Variants in LARGE1 observed in about 807,000 individuals in gnomAD.
The protein encoded by LARGE1 is LARGE xylosyl- and glucuronyltransferase 1, also known as xylosyl- and glucuronyltransferase LARGE1.
Under a neutral mutation model 87.6 loss-of-function variants are expected in LARGE1, and 43 were observed. That is an observed-to-expected ratio of 0.49 (90% CI 0.38 to 0.63). The LOEUF is 0.63. LARGE1 is among the 30% of genes least tolerant of loss of function. LARGE1 has a pLI of 0.00. For synonymous variants in LARGE1, 434 were observed against 394.6 expected, an observed-to-expected ratio of 1.10 and a Z score of -1.18; for missense variants, 802 against 1,000.2, an observed-to-expected ratio of 0.80 and a Z score of 2.67.
At chr22:33,870,412 A>G (rs1227424414) in intron 1 of LARGE1, among the ~76,000 whole-genome samples, 1 of 152,258 alleles carries the variant, frequency 6.6e-6, no homozygotes, top group African/African-American at 2.4e-5. Flanking sequence ...GTACTGACAC[A>G]GTTGGGTTTT....
chr22:33,281,497 G>A (rs1462394615), intron 13 of LARGE1, among the ~76,000 whole-genome samples: 1 of 152,148 alleles, frequency 6.6e-6, no homozygotes, highest in Non-Finnish European at 1.5e-5. Flanking sequence ...TTTACTGGCT[G>A]TGTGTCATTG....
chr22:33,852,816 G>A lies in LARGE1; in HGVS notation c.-83+67179C>T, dbSNP rs549709528. Among the ~76,000 whole-genome samples the A allele has an allele frequency of 1.7e-4, 23 of 134,804 alleles. 1 individual carries two copies. Among genetic ancestry groups the A allele is most frequent in the African/African-American group, 4.4e-4 (16 of 36,214 alleles). The allele number at this position is 134,804 out of a possible 152,430, so 88.4% of individuals were successfully genotyped here. On this transcript the variant is annotated intron_variant, in intron 1 of 14. Coordinates refer to ENST00000397394, the MANE Select transcript of LARGE1 (RefSeq NM_133642.5). ...GGTTACAGTGAGTGGAGATTGGGCC[G>A]CTGCACTCCAGCGTGGGCAAGACAG...
chr22:33,896,316 G>T lies in LARGE1; in HGVS notation c.-83+23679C>A, dbSNP rs566560044. ...ATTCCATGTATGTCTACACCACATG[G>T]TGTTTAGCCTTTCCACTGATGAACA... On this transcript the variant is annotated intron_variant, in intron 1 of 14. Coordinates refer to ENST00000397394, the MANE Select transcript of LARGE1 (RefSeq NM_133642.5). 5.9e-5 allele frequency among the ~76,000 whole-genome samples: 9 copies of T among 152,308 alleles called. No homozygotes were observed. The South Asian group carries it at 1.9e-3, about 32-fold the overall frequency.
intron 2 of LARGE1, among the ~76,000 whole-genome samples, chr22:33,686,370 G>A (rs890972828): frequency 2.0e-5 from 3 of 151,742 alleles, no homozygotes; most frequent in Admixed American, 1.3e-4. Flanking sequence ...GTGAAACCCT[G>A]TCTCTACTAA....
At chr22:33,330,244 G>T (rs1937579323) in intron 10 of LARGE1, among the ~76,000 whole-genome samples, 1 of 152,146 alleles carries the variant, frequency 6.6e-6, no homozygotes, top group Non-Finnish European at 1.5e-5. Context: ...AGAAAAAACG[G>T]TAGAGAATAG....
chr22:33,311,612 C>G (rs1935599334), intron 11 of LARGE1, among the ~76,000 whole-genome samples: 1 of 152,164 alleles, frequency 6.6e-6, no homozygotes, highest in Non-Finnish European at 1.5e-5. Flanking sequence ...AAGTGAGGCT[C>G]AAAAAGGCTA....
chr22:33,717,370 G>A (rs139967541), intron 2 of LARGE1, among the ~76,000 whole-genome samples: 1 of 152,282 alleles, frequency 6.6e-6, no homozygotes, highest in East Asian at 1.9e-4. Flanking sequence ...GGCCTCTTTT[G>A]GAGGAGTATT....
chr22:33,146,877 T>C, the LARGE1 span, among the ~76,000 whole-genome samples: 1 of 152,310 alleles, frequency 6.6e-6, no homozygotes, highest in South Asian at 2.1e-4. Flanking sequence ...CCCAGAAATG[T>C]CCCCTGTGTC....
the LARGE1 span, among the ~76,000 whole-genome samples, chr22:33,121,185 T>TTG: frequency 6.6e-6 from 1 of 152,008 alleles, no homozygotes. Flanking sequence ...TTACTGCCTT[T>TTG]TGTTTTTTTC....
At chr22:33,688,924 C>A (rs992469716) in intron 2 of LARGE1, among the ~76,000 whole-genome samples, 1 of 152,132 alleles carries the variant, frequency 6.6e-6, no homozygotes, top group African/African-American at 2.4e-5. Flanking sequence ...CACTCCTGAA[C>A]CTCCTTCAGT....
intron 5 of LARGE1, chr22:33,572,364 G>T: frequency 3.2e-6 from 1 of 312,988 alleles, no homozygotes; most frequent in Non-Finnish European, 6.1e-6. Context: ...ACTGGCAGAT[G>T]CCTTGGAAGA....
At chr22:33,883,805 C>T (rs1284682923) in intron 1 of LARGE1, among the ~76,000 whole-genome samples, 1 of 152,236 alleles carries the variant, frequency 6.6e-6, no homozygotes, top group Non-Finnish European at 1.5e-5. Flanking sequence ...CCGGACCAAC[C>T]TCCTTAAAAC....
At chr22:33,678,200 CAAT>C (rs1295907752) in intron 2 of LARGE1, among the ~76,000 whole-genome samples, 1 of 152,112 alleles carries the variant, frequency 6.6e-6, no homozygotes, top group Non-Finnish European at 1.5e-5. Flanking sequence ...TGTAAAACTA[CAAT>C]ATTATGCATG....
chr22:33,333,727 C>G (rs1245668914), intron 10 of LARGE1, among the ~76,000 whole-genome samples: 1 of 152,172 alleles, frequency 6.6e-6, no homozygotes, highest in East Asian at 1.9e-4. Context: ...AGTACAAAGT[C>G]TTTAAGAGTC....
At chr22:33,862,045 G>C (rs1238457973) in intron 1 of LARGE1, among the ~76,000 whole-genome samples, 1 of 151,672 alleles carries the variant, frequency 6.6e-6, no homozygotes, top group Non-Finnish European at 1.5e-5. Flanking sequence ...ATATTTAGTA[G>C]ACAGAGGGTC....
chr22:33,245,883 T>A lies in LARGE1; in HGVS notation c.1730+58346A>T, dbSNP rs533251206. On this transcript the variant is annotated intron_variant, in intron 11 of 11. Coordinates refer to the LARGE1 transcript ENST00000608642. The stretch of plus-strand genomic sequence containing the variant: ...GAGATTGCGCCACTGCACTCCAGCC[T>A]GGGCAACAGAACGAGACTCCATCTC... Among the ~76,000 whole-genome samples, 3 of 152,330 alleles carry A rather than the reference T, an allele frequency of 2.0e-5. No individual in the cohort carries two copies. The South Asian group carries it at 6.2e-4, about 32-fold the overall frequency.
rs145185909 is a variant in LARGE1, at chr22:33,466,370, C to CCTCTCT, written c.788-34111_788-34106dup. On this transcript the variant is annotated intron_variant, in intron 6 of 14. Coordinates refer to ENST00000397394, the MANE Select transcript of LARGE1 (RefSeq NM_133642.5). ...TTTTTTTTTCTTGCTTTTTCTCTTG[C>CCTCTCT]CTCTCTCTCTCTCTCTCTCTCTGTC... is the stretch of plus-strand genomic sequence containing the variant. 4.0e-3 allele frequency among the ~76,000 whole-genome samples: 572 copies of CCTCTCT among 144,584 alleles called. 4 individuals are homozygous for CCTCTCT. The highest frequency in any genetic ancestry group is 0.021 in the South Asian group (93 of 4,462). The allele number at this position is 144,584 out of a possible 152,430, so 94.9% of individuals were successfully genotyped here.
At chr22:33,239,589 A>AGT (rs1382534357) in intron 11 of LARGE1, among the ~76,000 whole-genome samples, 1 of 120,286 alleles carries the variant, frequency 8.3e-6, no homozygotes, top group Non-Finnish European at 1.6e-5. Flanking sequence ...CCCAGGCTGG[A>AGT]GTGCAGTGGC....
At chr22:33,798,560 C>G (rs1407675830) in intron 1 of LARGE1, among the ~76,000 whole-genome samples, 1 of 152,204 alleles carries the variant, frequency 6.6e-6, no homozygotes, top group East Asian at 1.9e-4. Context: ...TTTTCTCCAT[C>G]TTTACCAACA....
Sources: gnomAD v4.1 joint callset for allele counts (sites outside exome capture counted in the v4.1 genomes callset) on GRCh38, gnomAD v4.1.1 for gene constraint, MANE v1.5 for transcripts, NCBI Gene and HGNC (gene_info 2026-07-23, HGNC 2026-07-21) for gene names.